JAM3: variants seen among roughly 807,000 people sequenced by gnomAD.
JAM3 encodes the protein junctional adhesion molecule 3.
JAM3 carries 31 observed loss-of-function variants against 39.4 expected under a neutral mutation model. The observed-to-expected ratio is 0.79, with a 90% CI of 0.59 to 1.06. The LOEUF (loss-of-function observed/expected upper bound fraction) is 1.06. Among genes scored for constraint, JAM3 ranks in the 50% least tolerant of loss-of-function variants. The pLI is 0.00. For missense variants in JAM3, 455 were observed against 391.4 expected, an observed-to-expected ratio of 1.16 and a Z score of -1.37; for synonymous variants, 182 against 148.7, an observed-to-expected ratio of 1.22 and a Z score of -1.63.
In JAM3 at chr11:134,151,442, TA is replaced by T. The variant is rs1418151480; in HGVS notation, c.*2262del. 6.6e-6 allele frequency: 1 copy of T among 152,226 alleles called. No homozygotes were observed. The highest frequency in any genetic ancestry group is 1.5e-5 in the Non-Finnish European group (1 of 68,034). The allele number at this position is 152,226 out of a possible 1,614,324, so 9.4% of individuals were successfully genotyped here. A position where few individuals can be genotyped will look rare whatever the true frequency, so the allele number is the denominator to read the frequency against. On this transcript the variant is annotated 3_prime_UTR_variant, in exon 9 of 9. Coordinates refer to ENST00000299106, the MANE Select transcript of JAM3 (RefSeq NM_032801.5). ...GCCTCCTTCTTGGTTGTCATAGTGA[TA>T]GGGTAGCCTTATTGCCCCCTCTTCT...
intron 1 of JAM3, among the ~76,000 whole-genome samples, chr11:134,118,644 C>G (rs544227028): frequency 1.0e-3 from 155 of 152,298 alleles, no homozygotes; most frequent in African/African-American, 3.6e-3. Context: ...CCTCCTCTCT[C>G]CCTGCCACCA....
At chr11:134,109,992 A>G (rs1192834507) in intron 1 of JAM3, among the ~76,000 whole-genome samples, 1 of 152,096 alleles carries the variant, frequency 6.6e-6, no homozygotes, top group Non-Finnish European at 1.5e-5. Flanking sequence ...CATTGCTTTC[A>G]CTCTAAAATG....
rs1008575588 is a variant in JAM3 at position 134,151,388 on chromosome 11, C to G, written c.*2207C>G. 6.6e-6 allele frequency: 1 copy of G among 152,164 alleles called. No individual in the cohort carries two copies. The highest frequency in any genetic ancestry group is 2.1e-4 in the South Asian group (1 of 4,824). The allele number at this position is 152,164 out of a possible 1,614,324, so 9.4% of individuals were successfully genotyped here. On this transcript the variant is annotated 3_prime_UTR_variant, in exon 9 of 9. Coordinates refer to ENST00000299106, the MANE Select transcript of JAM3 (RefSeq NM_032801.5). ...ACCTTGGTAGAGAGGGATGGCTCCC[C>G]ACCCTCAGCGTTGGGGATTCACGCT... is the stretch of plus-strand genomic sequence containing the variant.
rs114287906 is a variant in JAM3, at chr11:134,108,432, C to T, written c.77-31419C>T. Among the ~76,000 whole-genome samples, 881 of 152,258 alleles carry T rather than the reference C, an allele frequency of 5.8e-3. 7 individuals carry two copies. The highest frequency in any genetic ancestry group is 0.02 in the African/African-American group (828 of 41,550). Reference sequence around the variant, plus strand: ...AGAAAGAATTATTTCCCAAAGTATTCTATGAGGCCAGAATTACCCTGATAT... The same window carrying T: ...AGAAAGAATTATTTCCCAAAGTATTTTATGAGGCCAGAATTACCCTGATAT... On this transcript the variant is annotated intron_variant, in intron 1 of 8. Coordinates refer to ENST00000299106, the MANE Select transcript of JAM3 (RefSeq NM_032801.5).
intron 1 of JAM3, among the ~76,000 whole-genome samples, chr11:134,111,299 G>A (rs543775665): frequency 1.3e-5 from 2 of 151,584 alleles, no homozygotes; most frequent in African/African-American, 4.8e-5. Context: ...CCGCCACCAC[G>A]CCCTGCTAAT....
intron 1 of JAM3, among the ~76,000 whole-genome samples, chr11:134,134,723 G>A (rs1591802537): frequency 6.6e-6 from 1 of 152,274 alleles, no homozygotes; most frequent in South Asian, 2.1e-4. Flanking sequence ...ATGTGAAGTG[G>A]TATCTCATTG....
At chr11:134,072,910 TG>T (rs983938268) in intron 1 of JAM3, among the ~76,000 whole-genome samples, 2 of 151,862 alleles carry the variant, frequency 1.3e-5, no homozygotes. Context: ...AACTCCGTCT[TG>T]GGGGAAAAAA....
intron 2 of JAM3, 132 bp from the exon 3 acceptor site, chr11:134,140,525 G>T (rs970794166): frequency 8.0e-6 from 6 of 749,998 alleles, no homozygotes; most frequent in African/African-American, 1.7e-5. Context: ...AAAGTCTCTT[G>T]GAGTGTGGAG....
intron 1 of JAM3, among the ~76,000 whole-genome samples, chr11:134,102,086 G>A (rs1329197228): frequency 6.6e-6 from 1 of 152,078 alleles, no homozygotes; most frequent in Non-Finnish European, 1.5e-5. Context: ...AATTATCTCA[G>A]CCACCTTACG....
At chr11:134,116,341 C>T (rs963517981) in intron 1 of JAM3, among the ~76,000 whole-genome samples, 2 of 152,128 alleles carry the variant, frequency 1.3e-5, no homozygotes, top group South Asian at 2.1e-4. Context: ...TTCCCTTATT[C>T]TTTCTACATT....
At chr11:134,145,376 G>A (rs112225743) in intron 5 of JAM3, 2 of 366,490 alleles carry the variant, frequency 5.5e-6, no homozygotes, top group East Asian at 6.9e-5. Flanking sequence ...TTGTGGTTAC[G>A]ATTTTTTACA....
At chr11:134,102,038 AGT>A (rs1942084221) in intron 1 of JAM3, among the ~76,000 whole-genome samples, 1 of 152,172 alleles carries the variant, frequency 6.6e-6, no homozygotes, top group African/African-American at 2.4e-5. Flanking sequence ...TGGGTGACAA[AGT>A]GAGACCCTGT....
At position 134,124,243 on chromosome 11, in the gene JAM3, CGTT is replaced by C. The variant is rs375717186; in HGVS notation, c.77-15606_77-15604del. Reference sequence around the variant, plus strand: ...TACTTCTTAAGTTCCTCTGGGAACTCGTTGAGAGTAGCACTGGTAGGGTTGTGA... The same window carrying C: ...TACTTCTTAAGTTCCTCTGGGAACTCGAGAGTAGCACTGGTAGGGTTGTGA... On this transcript the variant is annotated intron_variant, in intron 1 of 8. Transcript: ENST00000299106. The C allele has an allele frequency of 1.4e-4, 165 of 1,170,242 alleles. 1 individual carries two copies. In the Middle Eastern group the frequency reaches 1.7e-3, roughly 12 times the overall value. 72.5% of individuals were successfully genotyped at this position (1,170,242 alleles called of 1,614,324 possible). A position where few individuals can be genotyped will look rare whatever the true frequency, so the allele number is the denominator to read the frequency against.
intron 3 of JAM3, among the ~76,000 whole-genome samples, chr11:134,143,510 A>G (rs1017935983): frequency 2.0e-5 from 3 of 152,172 alleles, no homozygotes; most frequent in African/African-American, 7.2e-5. Context: ...CTGAGACTAT[A>G]TGTGTGCACC....
At chr11:134,110,230 G>GT (rs1246981089) in intron 1 of JAM3, among the ~76,000 whole-genome samples, 1 of 152,058 alleles carries the variant, frequency 6.6e-6, no homozygotes, top group Non-Finnish European at 1.5e-5. Flanking sequence ...ATGTAAAATG[G>GT]TAAGACCAAT....
At chr11:134,082,113 G>A (rs1056596798) in intron 1 of JAM3, among the ~76,000 whole-genome samples, 2 of 150,876 alleles carry the variant, frequency 1.3e-5, no homozygotes, top group African/African-American at 2.4e-5. Context: ...GTTGGATTTC[G>A]GACTTGCATG....
At chr11:134,131,941 G>A (rs963294483) in intron 1 of JAM3, among the ~76,000 whole-genome samples, 15 of 152,194 alleles carry the variant, frequency 9.9e-5, no homozygotes, top group South Asian at 2.1e-4. Context: ...GAGTCTAAGC[G>A]ACTCATGGGA....
At chr11:134,084,931 T>C (rs1941724489) in intron 1 of JAM3, among the ~76,000 whole-genome samples, 1 of 152,072 alleles carries the variant, frequency 6.6e-6, no homozygotes, top group Non-Finnish European at 1.5e-5. Context: ...GGAACTTGAA[T>C]TGGGTACATA....
intron 1 of JAM3, among the ~76,000 whole-genome samples, chr11:134,107,893 A>G (rs1591786724): frequency 1.3e-5 from 2 of 152,100 alleles, no homozygotes; most frequent in African/African-American, 4.8e-5. Flanking sequence ...AAAATAGGAA[A>G]AAAAATCAGA....
Sources: gnomAD v4.1 joint callset for allele counts (sites outside exome capture counted in the v4.1 genomes callset) on GRCh38, gnomAD v4.1.1 for gene constraint, MANE v1.5 for transcripts, NCBI Gene and HGNC (gene_info 2026-07-23, HGNC 2026-07-21) for gene names.